The following SYNE1 variants were observed in gnomAD, a reference collection of about 807,000 sequenced individuals.
SYNE1 encodes the protein nesprin-1.
SYNE1 carries 616 observed loss-of-function variants against 1,111.0 expected under a neutral mutation model. That is an observed-to-expected ratio of 0.55 (90% CI 0.52 to 0.59). The LOEUF (loss-of-function observed/expected upper bound fraction) is 0.59, where lower values mean the gene tolerates loss of function less well. Ranked by LOEUF, SYNE1 falls within the 20% of genes least tolerant of loss-of-function variation. SYNE1 has a pLI of 0.00. For synonymous variants in SYNE1, 3,855 were observed against 3,825.8 expected (o/e 1.01, Z -0.28); for missense variants, 10,006 against 10,417.0 (o/e 0.96, Z 1.72).
At chr6:152,204,204 A>C (rs1198856022) in intron 126 of SYNE1, among the ~76,000 whole-genome samples, 1 of 151,956 alleles carries the variant, frequency 6.6e-6, no homozygotes, top group Non-Finnish European at 1.5e-5. Flanking sequence ...ATCTCTACTA[A>C]AAATACAAAA....
At chr6:152,164,809 T>C (rs1271727507) in intron 130 of SYNE1, among the ~76,000 whole-genome samples, 1 of 152,222 alleles carries the variant, frequency 6.6e-6, no homozygotes, top group East Asian at 1.9e-4. Flanking sequence ...CTTTAGACTA[T>C]GAGTCTCGCC....
intron 3 of SYNE1, among the ~76,000 whole-genome samples, chr6:152,611,655 C>T (rs892723633): frequency 6.6e-5 from 10 of 152,148 alleles, no homozygotes; most frequent in Non-Finnish European, 8.8e-5. Flanking sequence ...ACCTAATAGA[C>T]ATCTACAGAA....
chr6:152,189,019 A>ATATATATATATAT (rs2071397143), intron 128 of SYNE1, among the ~76,000 whole-genome samples: 4 of 131,396 alleles, frequency 3.0e-5, no homozygotes, highest in Admixed American at 8.1e-5. Context: ...ATATATATAT[A>ATATATATATATAT]AAATGCCAGC....
intron 3 of SYNE1, among the ~76,000 whole-genome samples, chr6:152,572,980 T>G (rs142909972): frequency 6.6e-6 from 1 of 152,184 alleles, no homozygotes; most frequent in Non-Finnish European, 1.5e-5. Flanking sequence ...GGATTCCTTC[T>G]GGGAATGTCT....
At chr6:152,165,566 G>T (rs1049089642) in intron 130 of SYNE1, among the ~76,000 whole-genome samples, 1 of 152,050 alleles carries the variant, frequency 6.6e-6, no homozygotes, top group African/African-American at 2.4e-5. Context: ...TTTAAAAAAT[G>T]TGTATTTAAA....
At chr6:152,415,750 C>G (rs986059148) in intron 41 of SYNE1, among the ~76,000 whole-genome samples, 3 of 121,198 alleles carry the variant, frequency 2.5e-5, no homozygotes, top group Non-Finnish European at 4.8e-5. Flanking sequence ...TAGTACGTCT[C>G]AAGTGTCAAA....
chr6:152,503,361 A>C lies in SYNE1; in HGVS notation c.779-619T>G, dbSNP rs1002394441. Among the ~76,000 whole-genome samples, 3 of 152,274 alleles carry C rather than the reference A, an allele frequency of 2.0e-5. No individual in the cohort carries two copies. The East Asian group carries it at 5.8e-4, about 29-fold the overall frequency. On this transcript the variant is annotated intron_variant, in intron 9 of 145. Transcript: ENST00000367255. ...GAGCAATCAAGCACTCTTCGAGGGA[A>C]ACTCTTCGAGGGCCTGAGAAGCCCT...
intron 117 of SYNE1, among the ~76,000 whole-genome samples, chr6:152,223,670 G>A (rs370449540): frequency 2.0e-5 from 3 of 152,154 alleles, no homozygotes; most frequent in East Asian, 1.9e-4. Flanking sequence ...GGGGAGAAGA[G>A]GGGAGGAGAG....
intron 11 of SYNE1, among the ~76,000 whole-genome samples, chr6:152,496,541 T>C (rs1431439434): frequency 1.3e-5 from 2 of 152,088 alleles, no homozygotes; most frequent in African/African-American, 4.8e-5. Context: ...TCACCAATCA[T>C]TCTATATGAC....
intron 100 of SYNE1, among the ~76,000 whole-genome samples, chr6:152,263,234 C>A (rs1224277704): frequency 6.6e-6 from 1 of 151,380 alleles, no homozygotes; most frequent in East Asian, 1.9e-4. Flanking sequence ...TCGTATAGAG[C>A]CTGGGAAGGT....
chr6:152,155,025 C>A lies in SYNE1; in HGVS notation c.23996G>T (p.Arg7999Leu). The A allele has an allele frequency of 6.2e-7, 1 of 1,614,108 alleles. No homozygotes were observed. The highest frequency in any genetic ancestry group is 8.5e-7 in the Non-Finnish European group (1 of 1,180,006). The change falls in exon 133 of 146, where the codon CGA becomes CTA. Residue 7999 changes from arginine to leucine, a missense_variant. Around this residue, in one of 7 missense-constraint regions of SYNE1, gnomAD observed 2,182 missense variants for 2,287.8 expected, o/e 0.95. Transcript: ENST00000367255. ...GTCATCCAGAAATTTCTGCCACAATCGCCACGTCTCTTCGATTCTGGGGCG... is the reference window on the plus strand; with the variant it reads ...GTCATCCAGAAATTTCTGCCACAATAGCCACGTCTCTTCGATTCTGGGGCG... ...ERRLKIEETW[R>L]LWQKFLDDYS...
In SYNE1 at chr6:152,353,714, C is replaced by T; in HGVS notation, c.10957G>A (p.Asp3653Asn). 1.2e-6 allele frequency: 2 copies of T among 1,614,184 alleles called. No homozygotes were observed. The highest frequency in any genetic ancestry group is 1.3e-5 in the African/African-American group (1 of 75,054). Reference protein sequence around the residue: ...KWHEEVTAYRDEVEEVGARAQ... With the variant: ...KWHEEVTAYRNEVEEVGARAQ... ...CTAGCTCCCACTTCCTCAACTTCAT[C>T]TCTGTATGCAGTCACTTCTTCGTGC... is the stretch of plus-strand genomic sequence containing the variant. Residue 3653 changes from aspartate (D) to asparagine (N), a missense_variant, in exon 68 of 146, where the codon GAT (aspartate) becomes AAT (asparagine). Transcript: ENST00000367255.
In SYNE1 at chr6:152,301,881, G is replaced by C. The variant is rs775771199; in HGVS notation, c.17529C>G (p.Pro5843=). 1.9e-6 allele frequency: 3 copies of C among 1,613,530 alleles called. No individual in the cohort carries two copies. The highest frequency in any genetic ancestry group is 2.2e-5 in the South Asian group (2 of 91,058). ...ACTGGATCCTTACCATGACCACAGA[G>C]GGGTGGGCCGAAGGCGTGGGGAGGA... is the stretch of plus-strand genomic sequence containing the variant. The part of the protein sequence containing the change: ...GELLPTPSAH[P]SVVMMTAGRC... The change falls in exon 92 of 146, where the codon CCC becomes CCG. Residue 5843 remains proline (P), a synonymous_variant. Transcript: ENST00000367255.
intron 3 of SYNE1, among the ~76,000 whole-genome samples, chr6:152,607,105 C>G (rs369787284): frequency 7.9e-5 from 12 of 150,976 alleles, no homozygotes; most frequent in Non-Finnish European, 1.3e-4. Flanking sequence ...CTGCCTCAGC[C>G]CCCCCAGTAG....
At chr6:152,583,218 T>C (rs967141081) in intron 3 of SYNE1, among the ~76,000 whole-genome samples, 10 of 152,186 alleles carry the variant, frequency 6.6e-5, no homozygotes, top group African/African-American at 1.9e-4. Context: ...CCACTGTGTG[T>C]TGGGACTTCT....
chr6:152,463,539 A>C, intron 18 of SYNE1, 22 bp from the exon 19 acceptor site: 1 of 1,591,658 alleles, frequency 6.3e-7, no homozygotes, highest in Non-Finnish European at 8.6e-7. Flanking sequence ...ATAATGCACA[A>C]TATCATAAAC....
At chr6:152,558,019 C>A (rs186195085) in intron 3 of SYNE1, among the ~76,000 whole-genome samples, 2 of 152,128 alleles carry the variant, frequency 1.3e-5, no homozygotes, top group African/African-American at 4.8e-5. Flanking sequence ...TTAATGGGTA[C>A]ACAATATAAA....
At chr6:152,255,276 C>A (rs930992479) in intron 103 of SYNE1, among the ~76,000 whole-genome samples, 187 bp from the exon 104 acceptor site, 2 of 152,156 alleles carry the variant, frequency 1.3e-5, no homozygotes, top group Non-Finnish European at 1.5e-5. Flanking sequence ...GACTTTACCT[C>A]ATTCACTAGT....
Position 152,416,949 on chromosome 6 carries a change from A to T in SYNE1, c.5488T>A (p.Leu1830Met). 6.2e-7 allele frequency: 1 copy of T among 1,614,138 alleles called. No homozygotes were observed. Residue 1830 changes from leucine (L) to methionine (M), a missense_variant, in exon 41 of 146, where the codon TTG becomes ATG. Leu to Met is a conservative substitution (Grantham distance 15). Around this residue, in one of 7 missense-constraint regions of SYNE1, gnomAD observed 4,955 missense variants for 5,017.2 expected, o/e 0.99. Coordinates refer to ENST00000367255, the MANE Select transcript of SYNE1 (RefSeq NM_182961.4). ...LQSLQGHLAKLGSLGRAEDLH... is the reference protein window; with the variant it reads ...LQSLQGHLAKMGSLGRAEDLH... Reference sequence around the variant, plus strand: ...TCCTCAGCACGGCCCAGAGAACCCAACTTTGCTAAGTGACCCTGCAGACTC... The same window carrying T: ...TCCTCAGCACGGCCCAGAGAACCCATCTTTGCTAAGTGACCCTGCAGACTC...
Sources: gnomAD v4.1 joint callset for allele counts (sites outside exome capture counted in the v4.1 genomes callset) on GRCh38, gnomAD v4.1.1 for gene constraint, gnomAD v4.1.1 regional missense constraint, MANE v1.5 for transcripts, NCBI Gene and HGNC (gene_info 2026-07-23, HGNC 2026-07-21) for gene names.